Variants in GJA5 observed in about 807,000 individuals in gnomAD.
GJA5 encodes the protein gap junction protein alpha 5, also known as gap junction alpha-5 protein.
Under a neutral mutation model 7.9 loss-of-function variants are expected in GJA5, and 3 were observed. That is an observed-to-expected ratio of 0.38 (90% CI 0.17 to 0.99). The LOEUF is 0.99. Among genes scored for constraint, GJA5 ranks in the 50% least tolerant of loss-of-function variants. The pLI, the probability that GJA5 is intolerant of heterozygous loss-of-function variation, is 0.38. For synonymous variants in GJA5, 193 were observed against 181.0 expected, an observed-to-expected ratio of 1.07 and a Z score of -0.53; for missense variants, 390 against 457.9, an observed-to-expected ratio of 0.85 and a Z score of 1.35.
Position 147,758,574 on chromosome 1 carries a change from C to A in GJA5, c.665G>T (p.Ser222Ile). Residue 222 changes from serine (S) to isoleucine (I), a missense_variant, in exon 2 of 2, where the codon AGC becomes ATC. Ser to Ile is a moderately radical substitution (Grantham distance 142). Transcript: ENST00000579774. ...LAVAALSLLL[S>I]LAELYHLGWK... Reference sequence around the variant, plus strand: ...GCCCAGGTGGTAGAGTTCAGCCAGGCTAAGGAGGAGGGACAGTGCAGCCAC... The same window carrying A: ...GCCCAGGTGGTAGAGTTCAGCCAGGATAAGGAGGAGGGACAGTGCAGCCAC... 1 of 1,613,666 alleles carries A rather than the reference C, an allele frequency of 6.2e-7. No homozygotes were observed. The highest frequency in any genetic ancestry group is 1.1e-5 in the South Asian group (1 of 91,046).
At chr1:147,759,478 A>G (rs111945228) in intron 1 of GJA5, among the ~76,000 whole-genome samples, 5 of 152,358 alleles carry the variant, frequency 3.3e-5, no homozygotes, top group Non-Finnish European at 5.9e-5. Context: ...AAGTAGCCAT[A>G]TTAGCAAAAT....
chr1:147,763,837 T>C (rs1664105821), upstream of GJA5, among the ~76,000 whole-genome samples: 1 of 152,056 alleles, frequency 6.6e-6, no homozygotes, highest in African/African-American at 2.4e-5. Flanking sequence ...TGAGATGAAG[T>C]CTCGCTTTGT....
chr1:147,765,719 C>T (rs587682841), intron 1 of GJA5, among the ~76,000 whole-genome samples: 1 of 152,280 alleles, frequency 6.6e-6, no homozygotes, highest in East Asian at 1.9e-4. Flanking sequence ...GAGTCATTCT[C>T]AACCCACATG....
At chr1:147,761,486 T>C (rs1293920493), upstream of GJA5, among the ~76,000 whole-genome samples, 1 of 152,058 alleles carries the variant, frequency 6.6e-6, no homozygotes, top group Non-Finnish European at 1.5e-5. Flanking sequence ...AACTTGAGAG[T>C]ATACAGTGTC....
At position 147,766,193 on chromosome 1, in the gene GJA5, T is replaced by C. The variant is rs587738140; in HGVS notation, c.-33-6922A>G. 2.5e-4 allele frequency among the ~76,000 whole-genome samples: 38 copies of C among 152,270 alleles called. No individual in the cohort carries two copies. The South Asian group carries it at 7.7e-3, about 31-fold the overall frequency. ...TCTCTCCCACTCAACCCTGAGCTCT[T>C]TGAAGACAAACTGCTTTTCTGTTCA... is the stretch of plus-strand genomic sequence containing the variant. On this transcript the variant is annotated intron_variant, in intron 1 of 1. Coordinates refer to the GJA5 transcript ENST00000430508.
chr1:147,764,222 C>T (rs916435307), upstream of GJA5, among the ~76,000 whole-genome samples: 15 of 152,216 alleles, frequency 9.9e-5, no homozygotes, highest in East Asian at 5.8e-4. Flanking sequence ...CCTCTGACTC[C>T]GCAAATCTAC....
At position 147,758,418 on chromosome 1, in the gene GJA5, C is replaced by G; in HGVS notation, c.821G>C (p.Gly274Ala). The part of the protein sequence containing the change: ...PPDFNQCLEN[G>A]PGGKFFNPFS... Reference sequence around the variant, plus strand: ...GGGATTGAAGAATTTTCCCCCAGGGCCATTCTCCAGGCACTGATTAAAGTC... The same window carrying G: ...GGGATTGAAGAATTTTCCCCCAGGGGCATTCTCCAGGCACTGATTAAAGTC... Residue 274 changes from glycine (G) to alanine (A), a missense_variant, in exon 2 of 2, where the codon GGC becomes GCC. Transcript: ENST00000579774. The G allele has an allele frequency of 6.2e-7, 1 of 1,614,128 alleles. No individual in the cohort carries two copies.
In GJA5 at chr1:147,758,842, G is replaced by C. The variant is rs201082105; in HGVS notation, c.397C>G (p.Leu133Val). Residue 133 changes from leucine to valine, a missense_variant, in exon 2 of 2, where the codon CTG becomes GTG. Coordinates refer to ENST00000579774, the MANE Select transcript of GJA5 (RefSeq NM_181703.4). ...YEYPVAEKAE[L>V]SCWEEGNGRI... ...CCATTCCCTTCCTCCCAGCAGGACA[G>C]TTCTGCCTTCTCTGCCACCGGGTAC... is the stretch of plus-strand genomic sequence containing the variant. 6.2e-7 allele frequency: 1 copy of C among 1,614,240 alleles called. No individual in the cohort carries two copies. The highest frequency in any genetic ancestry group is 8.5e-7 in the Non-Finnish European group (1 of 1,180,042).
intron 1 of GJA5, among the ~76,000 whole-genome samples, chr1:147,769,000 AT>A (rs34746822): frequency 1.3e-5 from 2 of 152,100 alleles, no homozygotes; most frequent in African/African-American, 2.4e-5. Context: ...ATCATCATCT[AT>A]TTTTCCCACT....
rs1428386065 is a variant in GJA5 at position 147,758,022 on chromosome 1, T to TTTCTA, written c.*139_*140insTAGAA. The stretch of plus-strand genomic sequence containing the variant: ...CCCTGGTTATAGTTTCTAGAATTAA[T>TTTCTA]GAGCAACGTCATTGAGACCCGGGGC... On this transcript the variant is annotated 3_prime_UTR_variant, in exon 2 of 2. Coordinates refer to ENST00000579774, the MANE Select transcript of GJA5 (RefSeq NM_181703.4). 1.4e-6 allele frequency: 1 copy of TTTCTA among 696,600 alleles called. No homozygotes were observed. The highest frequency in any genetic ancestry group is 2.5e-6 in the Non-Finnish European group (1 of 394,232). 43.2% of individuals were successfully genotyped at this position (696,600 alleles called of 1,614,324 possible).
chr1:147,758,900 C>G lies in GJA5; in HGVS notation c.339G>C (p.Arg113Ser), dbSNP rs375331306. Residue 113 changes from arginine to serine, a missense_variant, in exon 2 of 2, where the codon AGG becomes AGC. By Grantham distance (110) the Arg-to-Ser change is moderately radical. Transcript: ENST00000579774. ...QEKRKLREAE[R>S]AKEVRGSGSY... ...AGCCAGAGCCCCGGACCTCTTTGGC[C>G]CTCTCGGCCTCCCGTAGCTTGCGCT... is the stretch of plus-strand genomic sequence containing the variant. 5 of 1,614,234 alleles carry G rather than the reference C, an allele frequency of 3.1e-6. No individual in the cohort carries two copies. Among genetic ancestry groups the G allele is most frequent in the Non-Finnish European group, 3.4e-6 (4 of 1,180,046 alleles).
rs782458491 is a variant in GJA5 at position 147,758,776 on chromosome 1, A to G, written c.463T>C (p.Cys155Arg). The G allele has an allele frequency of 6.2e-7, 1 of 1,614,036 alleles. No individual in the cohort carries two copies. The highest frequency in any genetic ancestry group is 8.5e-7 in the Non-Finnish European group (1 of 1,179,990). Residue 155 changes from cysteine to arginine, a missense_variant, in exon 2 of 2, where the codon TGC (cysteine) becomes CGC (arginine). By Grantham distance (180) the Cys-to-Arg change is radical (BLOSUM62 -3). Coordinates refer to ENST00000579774, the MANE Select transcript of GJA5 (RefSeq NM_181703.4). ...LQGTLLNTYV[C>R]SILIRTTMEV... ...ATGGTGGTGCGGATCAGGATGCTGC[A>G]CACATAGGTGTTGAGCAGAGTGCCC... is the stretch of plus-strand genomic sequence containing the variant.
upstream of GJA5, chr1:147,760,755 C>T (rs983238891): frequency 3.3e-5 from 5 of 152,252 alleles, no homozygotes; most frequent in African/African-American, 1.2e-4. Flanking sequence ...GTATCACTTT[C>T]TTAATCTCCT....
chr1:147,767,896 G>T (rs1664266952), intron 1 of GJA5, among the ~76,000 whole-genome samples: 1 of 152,226 alleles, frequency 6.6e-6, no homozygotes, highest in South Asian at 2.1e-4. Context: ...ATTGAAGCAG[G>T]AATGTTCATT....
intron 1 of GJA5, among the ~76,000 whole-genome samples, chr1:147,770,052 T>A (rs1664341002): frequency 6.6e-6 from 1 of 152,036 alleles, no homozygotes; most frequent in African/African-American, 2.4e-5. Flanking sequence ...GAGGGGGTTG[T>A]CTACTCTGTG....
At chr1:147,760,687 A>G (rs945487639), upstream of GJA5, 4 of 152,346 alleles carry the variant, frequency 2.6e-5, no homozygotes, top group South Asian at 6.2e-4. Flanking sequence ...TTCCTACCCA[A>G]TAGAAAACCA....
rs141312010 is a variant in GJA5, at chr1:147,759,480, T to A, written c.-33-209A>T. 5.4e-4 allele frequency among the ~76,000 whole-genome samples: 82 copies of A among 152,342 alleles called. 1 individual carries two copies. The highest frequency in any genetic ancestry group is 1.8e-3 in the African/African-American group (76 of 41,584). ...AAGAGAAGATTCAAAGTAGCCATAT[T>A]AGCAAAATTAGAGCATGGCTCCCAC... On this transcript the variant is annotated intron_variant, in intron 1 of 1. Coordinates refer to ENST00000579774, the MANE Select transcript of GJA5 (RefSeq NM_181703.4).
chr1:147,759,003 A>G lies in GJA5; in HGVS notation c.236T>C (p.Val79Ala). The G allele has an allele frequency of 6.2e-7, 1 of 1,614,176 alleles. No individual in the cohort carries two copies. Among genetic ancestry groups the G allele is most frequent in the South Asian group, 1.1e-5 (1 of 91,076 alleles). Residue 79 changes from valine (V) to alanine (A), a missense_variant, in exon 2 of 2, where the codon GTG (valine) becomes GCG (alanine). Around this residue, in one of 2 missense-constraint regions of GJA5, gnomAD observed 354 missense variants for 370.9 expected, o/e 0.95. Coordinates refer to ENST00000579774, the MANE Select transcript of GJA5 (RefSeq NM_181703.4). Reference protein sequence around the residue: ...AFPISHIRYWVLQIIFVSTPS... With the variant: ...AFPISHIRYWALQIIFVSTPS... ...CGTGGAGACGAAGATGATCTGCAGC[A>G]CCCAGTAGCGAATGTGGGAGATGGG...
chr1:147,770,609 A>C (rs1557951183), intron 1 of GJA5, among the ~76,000 whole-genome samples: 1 of 152,192 alleles, frequency 6.6e-6, no homozygotes, highest in Non-Finnish European at 1.5e-5. Context: ...GAGACATTAA[A>C]TAATTTCCCC....
Sources: allele counts gnomAD v4.1 joint callset (sites outside exome capture counted in the v4.1 genomes callset), GRCh38; gene constraint gnomAD v4.1.1; regional missense constraint gnomAD v4.1.1; transcripts MANE v1.5; gene names NCBI Gene and HGNC (gene_info 2026-07-23, HGNC 2026-07-21).